TAF1: variants seen among roughly 807,000 people sequenced by gnomAD.
TAF1 encodes the protein transcription initiation factor TFIID subunit 1.
A neutral mutation model predicts 138.5 loss-of-function variants in TAF1; 2 were observed. That is an observed-to-expected ratio of 0.01 (90% CI 0.01 to 0.05). TAF1 has a LOEUF of 0.05. Ranked by LOEUF, TAF1 falls within the 10% of genes least tolerant of loss-of-function variation. TAF1 has a pLI of 1.00. For synonymous variants in TAF1, 437 were observed against 503.2 expected (o/e 0.87, Z 1.76); for missense variants, 709 against 1,478.0 (o/e 0.48, Z 8.53).
chrX:71,381,827 A>T lies in TAF1; in HGVS notation c.1445A>T (p.Glu482Val). 1 of 1,203,085 alleles carries T rather than the reference A, an allele frequency of 8.3e-7. No individual in the cohort carries two copies. The highest frequency in any genetic ancestry group is 1.7e-5 in the African/African-American group (1 of 57,465). The stretch of plus-strand genomic sequence containing the variant: ...GAGGATCTGGTATATGGACGCTGGG[A>T]GGACAATATCATTTGGGATGCTCAG... ...DNEDLVYGRW[E>V]DNIIWDAQAM... The change falls in exon 9 of 38, where the codon GAG (glutamate) becomes GTG (valine). Residue 482 changes from glutamate to valine, a missense_variant. Transcript: ENST00000423759.
chrX:71,459,602 A>G lies in TAF1; in HGVS notation c.5115A>G (p.Val1705=), dbSNP rs1259161297. 3 of 1,209,023 alleles carry G rather than the reference A, an allele frequency of 2.5e-6. No individual in the cohort carries two copies. The highest frequency in any genetic ancestry group is 3.4e-6 in the Non-Finnish European group (3 of 895,019). ...TTGCAGATGAAGAGGAAGGAACTGT[A>G]CAACAGCCTCAAGCCAGTGTCCTGT... is the stretch of plus-strand genomic sequence containing the variant. ...GDLADEEEGT[V]QQPQASVLYE... The change falls in exon 36 of 38, where the codon GTA becomes GTG. Residue 1705 remains valine, a synonymous_variant. Coordinates refer to ENST00000423759, the MANE Select transcript of TAF1 (RefSeq NM_004606.5).
chrX:71,449,376 A>T (rs749554885), intron 32 of TAF1, among the ~76,000 whole-genome samples: 1 of 112,701 alleles, frequency 8.9e-6, no homozygotes, highest in Admixed American at 9.4e-5. Flanking sequence ...TGCCTGCCTC[A>T]GCCTCCCAAA....
At chrX:71,451,508 T>C in intron 32 of TAF1, among the ~76,000 whole-genome samples, 1 of 108,769 alleles carries the variant, frequency 9.2e-6, no homozygotes, top group South Asian at 4.1e-4. Flanking sequence ...TTATTGATCA[T>C]TCTTGGGTGT....
At chrX:71,378,011 G>A in intron 6 of TAF1, 190 bp downstream of exon 6, 1 of 637,402 alleles carries the variant, frequency 1.6e-6, no homozygotes. Context: ...AATGTTTGGT[G>A]GGGTAGGCGG....
At chrX:71,483,051 C>G (rs1243984848) in intron 13 of TAF1, among the ~76,000 whole-genome samples, 1 of 110,003 alleles carries the variant, frequency 9.1e-6, no homozygotes, top group Non-Finnish European at 1.9e-5. Flanking sequence ...ATGATCATGG[C>G]TCATGCCACC....
chrX:71,525,733 A>G (rs974513340), intron 13 of TAF1, among the ~76,000 whole-genome samples: 1 of 109,938 alleles, frequency 9.1e-6, no homozygotes, highest in Non-Finnish European at 1.9e-5. Context: ...GCTCACTGCA[A>G]CCTCCACCTC....
At chrX:71,417,466 C>G (rs915030029) in intron 28 of TAF1, among the ~76,000 whole-genome samples, 2 of 110,927 alleles carry the variant, frequency 1.8e-5, no homozygotes, top group Non-Finnish European at 3.8e-5. Flanking sequence ...CGATGATTCT[C>G]CCACCTCAGC....
At chrX:71,508,086 C>CTCTCTATA (rs4040068) in intron 13 of TAF1, among the ~76,000 whole-genome samples, 118 of 92,178 alleles carry the variant, frequency 1.3e-3, no homozygotes, top group Non-Finnish European at 1.7e-3. Context: ...CTCTCTCTCT[C>CTCTCTATA]TATATATATA....
intron 34 of TAF1, among the ~76,000 whole-genome samples, chrX:71,456,957 C>T (rs752446446): frequency 7.2e-5 from 8 of 111,036 alleles, no homozygotes; most frequent in East Asian, 5.6e-4. Context: ...CGTGAGCCAC[C>T]GCGCCCGGCC....
rs925985586 is a variant in TAF1 at position 71,385,799 on chromosome X, G to A, written c.2226+750G>A. 5.4e-5 allele frequency among the ~76,000 whole-genome samples: 6 copies of A among 111,687 alleles called. No individual in the cohort carries two copies. In the East Asian group the frequency reaches 1.7e-3, roughly 31 times the overall value. On this transcript the variant is annotated intron_variant, in intron 14 of 37. Transcript: ENST00000423759. ...TTTGTATTGTTCTTCTCCTTTCCCT[G>A]GAACTTTCTGTTGAGGTTTTCTACC...
chrX:71,408,057 A>G lies in TAF1; in HGVS notation c.4290A>G (p.Thr1430=), dbSNP rs185754536. ...TCACTCGGCCAATGGACCTACAAAC[A>G]CTCCGCGAAAACGTGCGTAAACGCC... The part of the protein sequence containing the change: ...KIITRPMDLQ[T]LRENVRKRLY... Residue 1430 remains threonine (T), a synonymous_variant, in exon 28 of 38, where the codon ACA becomes ACG. Coordinates refer to ENST00000423759, the MANE Select transcript of TAF1 (RefSeq NM_004606.5). 1 of 1,211,177 alleles carries G rather than the reference A, an allele frequency of 8.3e-7. No homozygotes were observed. The highest frequency in any genetic ancestry group is 1.1e-6 in the Non-Finnish European group (1 of 895,415).
At chrX:71,406,326 CAAAAAAA>C (rs1173763080) in intron 25 of TAF1, among the ~76,000 whole-genome samples, 6 of 31,451 alleles carry the variant, frequency 1.9e-4, no homozygotes, top group Admixed American at 8.0e-4. Flanking sequence ...AACTACATCT[CAAAAAAA>C]AAAAAAAAAA....
intron 13 of TAF1, among the ~76,000 whole-genome samples, chrX:71,483,011 G>T (rs761597120): frequency 9.1e-6 from 1 of 110,391 alleles, no homozygotes; most frequent in South Asian, 3.8e-4. Flanking sequence ...ACAGGGTCTC[G>T]CTCTGTCACC....
intron 24 of TAF1, among the ~76,000 whole-genome samples, chrX:71,399,382 G>T (rs1308652861): frequency 2.1e-5 from 2 of 96,276 alleles, no homozygotes; most frequent in Non-Finnish European, 2.0e-5. Context: ...AGAGCCTCTC[G>T]AATAGCTGGG....
At chrX:71,420,567 T>C in intron 28 of TAF1, 1 of 1,209,371 alleles carries the variant, frequency 8.3e-7, no homozygotes, top group Non-Finnish European at 1.1e-6. Flanking sequence ...CTCATCTGCT[T>C]CTCTACCTCG....
intron 32 of TAF1, among the ~76,000 whole-genome samples, chrX:71,448,879 T>C (rs2148769627): frequency 1.8e-5 from 2 of 108,252 alleles, no homozygotes; most frequent in East Asian, 2.9e-4. Flanking sequence ...AGTACAATGG[T>C]GTGATCTCGG....
At chrX:71,480,288 G>C (rs969219457) in intron 13 of TAF1, among the ~76,000 whole-genome samples, 1 of 111,069 alleles carries the variant, frequency 9.0e-6, no homozygotes, top group South Asian at 3.8e-4. Flanking sequence ...CCAGCTACTC[G>C]GGAGGCTGAG....
At chrX:71,454,303 G>T in intron 33 of TAF1, 66 bp downstream of exon 33, 1 of 1,035,167 alleles carries the variant, frequency 9.7e-7, no homozygotes, top group East Asian at 3.1e-5. Flanking sequence ...TACAAAAAAA[G>T]ATTTAAAAAT....
intron 13 of TAF1, among the ~76,000 whole-genome samples, chrX:71,494,484 G>T (rs909293624): frequency 5.4e-5 from 6 of 110,637 alleles, no homozygotes; most frequent in Non-Finnish European, 1.1e-4. Context: ...AATATAGCTA[G>T]CTCATCAGCT....
Sources: allele counts gnomAD v4.1 joint callset (sites outside exome capture counted in the v4.1 genomes callset), GRCh38; gene constraint gnomAD v4.1.1; transcripts MANE v1.5; gene names NCBI Gene and HGNC (gene_info 2026-07-23, HGNC 2026-07-21).